Variants in PHLDB3 observed in about 807,000 individuals in gnomAD.
PHLDB3 encodes the protein pleckstrin homology like domain family B member 3.
A neutral mutation model predicts 85.7 loss-of-function variants in PHLDB3; 86 were observed. The ratio of observed to expected loss-of-function variants is 1.00; its 90% CI spans 0.84 to 1.20. PHLDB3 has a LOEUF of 1.20. PHLDB3 is among the 50% of genes most tolerant of loss of function. The pLI is 0.00. For missense variants in PHLDB3, 995 were observed against 873.0 expected (o/e 1.14, Z -1.76); for synonymous variants, 376 against 349.8 (o/e 1.07, Z -0.83).
intron 13 of PHLDB3, among the ~76,000 whole-genome samples, chr19:43,480,727 T>A (rs918123942): frequency 5.3e-5 from 8 of 152,236 alleles, no homozygotes; most frequent in Admixed American, 3.3e-4. Flanking sequence ...TAAGTACATT[T>A]ATCTCCGTTT....
At chr19:43,481,357 G>A (rs1031404117) in intron 13 of PHLDB3, among the ~76,000 whole-genome samples, 1 of 152,126 alleles carries the variant, frequency 6.6e-6, no homozygotes, top group East Asian at 1.9e-4. Flanking sequence ...GGTGGCTCAC[G>A]CCTACAATCC....
chr19:43,500,604 AAACT>A (rs1568484975), intron 4 of PHLDB3, among the ~76,000 whole-genome samples: 1 of 152,248 alleles, frequency 6.6e-6, no homozygotes, highest in East Asian at 1.9e-4. Flanking sequence ...GGAAACACAA[AAACT>A]AACCAGAAAT....
chr19:43,489,481 T>C (rs1369311132), intron 9 of PHLDB3, among the ~76,000 whole-genome samples: 1 of 151,696 alleles, frequency 6.6e-6, no homozygotes, highest in African/African-American at 2.4e-5. Flanking sequence ...AGAATATCTC[T>C]GGGGAACACA....
At chr19:43,476,073 G>A (rs1278611417) in intron 15 of PHLDB3, among the ~76,000 whole-genome samples, 1 of 152,180 alleles carries the variant, frequency 6.6e-6, no homozygotes, top group Non-Finnish European at 1.5e-5. Context: ...GGGCTTACAG[G>A]CGTGAGCCAC....
chr19:43,480,264 TAAAAAAAAAAA>T (rs57417757), intron 13 of PHLDB3, among the ~76,000 whole-genome samples: 5 of 71,608 alleles, frequency 7.0e-5, no homozygotes, highest in Non-Finnish European at 1.0e-4. Flanking sequence ...CTTCTCTATT[TAAAAAAAAAAA>T]AAAAAAAAAA....
At chr19:43,477,249 G>A (rs745340513) in intron 15 of PHLDB3, among the ~76,000 whole-genome samples, 17 of 152,094 alleles carry the variant, frequency 1.1e-4, no homozygotes, top group East Asian at 1.9e-4. Flanking sequence ...GGCCAGGTGC[G>A]GTGGCTCACG....
chr19:43,500,127 T>C (rs544128409), intron 4 of PHLDB3, among the ~76,000 whole-genome samples: 1 of 152,122 alleles, frequency 6.6e-6, no homozygotes, highest in Non-Finnish European at 1.5e-5. Context: ...TAATCCCAGC[T>C]ACTGGGGAGG....
chr19:43,500,895 G>GGCCCC (rs1971570922), intron 4 of PHLDB3, among the ~76,000 whole-genome samples: 4 of 33,568 alleles, frequency 1.2e-4, no homozygotes, highest in Admixed American at 3.3e-4. Context: ...CTCCCACTTT[G>GGCCCC]CCCCGCCCCC....
At chr19:43,486,356 C>A in intron 12 of PHLDB3, 34 bp from the exon 13 acceptor site, 1 of 1,581,216 alleles carries the variant, frequency 6.3e-7, no homozygotes, top group Middle Eastern at 1.7e-4. Context: ...CAATGAGGAT[C>A]CCAGCCCATA....
rs1193723270 is a variant in PHLDB3 at position 43,503,950 on chromosome 19, C to T, written c.169G>A (p.Glu57Lys). The change falls in exon 2 of 16, where the codon GAA becomes AAA. Residue 57 changes from glutamate (E) to lysine (K), a missense_variant. Coordinates refer to ENST00000292140, the MANE Select transcript of PHLDB3 (RefSeq NM_198850.4). ...GTGCTGCTGCCTTCTCCCACTTCTT[C>T]TTCCTCTGCCTGCTGCTCAGCTCCC... ...RGGAEQQAEE[E>K]EVGEGSSTES... is the part of the protein sequence containing the mutation. 5.0e-6 allele frequency: 8 copies of T among 1,613,954 alleles called. No individual in the cohort carries two copies. The highest frequency in any genetic ancestry group is 6.8e-6 in the Non-Finnish European group (8 of 1,179,834).
chr19:43,496,988 A>G (rs1971471989), intron 6 of PHLDB3, 130 bp downstream of exon 6: 2 of 1,244,696 alleles, frequency 1.6e-6, no homozygotes, highest in East Asian at 5.7e-5. Flanking sequence ...TTTCATTAGT[A>G]TCAGCTCTTG....
chr19:43,495,692 C>T, intron 6 of PHLDB3, 72 bp from the exon 7 acceptor site: 1 of 1,525,034 alleles, frequency 6.6e-7, no homozygotes, highest in Non-Finnish European at 8.8e-7. Context: ...CCACATCTGC[C>T]TGGAGGGCTG....
At chr19:43,479,637 A>T (rs2122465454) in intron 13 of PHLDB3, 44 bp from the exon 14 acceptor site, 1 of 1,383,566 alleles carries the variant, frequency 7.2e-7, no homozygotes, top group East Asian at 2.5e-5. Context: ...GGGGCGGGGG[A>T]TTCTACAGCC....
Position 43,479,514 on chromosome 19 carries a change from G to A in PHLDB3, c.1565C>T (p.Pro522Leu), listed in dbSNP as rs139745869. ...CACCTGCACATGTGGGCAGTTTTCC[G>A]GGTTGTGGCCCCATCCCTCCAGATG... is the stretch of plus-strand genomic sequence containing the variant. Reference protein sequence around the residue: ...RQHLEGWGHNPENCPHVQVSG... With the variant: ...RQHLEGWGHNLENCPHVQVSG... The change falls in exon 14 of 16, where the codon CCG (proline) becomes CTG (leucine). Residue 522 changes from proline to leucine, a missense_variant. Transcript: ENST00000292140. 21,660 of 1,554,582 alleles carry A rather than the reference G, an allele frequency of 0.014. 182 individuals are homozygous for A. The highest frequency in any genetic ancestry group is 0.016 in the Non-Finnish European group (18,351 of 1,148,942).
At position 43,501,765 on chromosome 19, in the gene PHLDB3, G is replaced by T. The variant is rs367700166; in HGVS notation, c.503C>A (p.Ser168Ter). 1.9e-6 allele frequency: 3 copies of T among 1,582,084 alleles called. No homozygotes were observed. The highest frequency in any genetic ancestry group is 2.6e-6 in the Non-Finnish European group (3 of 1,168,544). ...CCGCTGCTGGCGGCCGCGCTGCTCC[G>T]AGGCCGCCTGCTGCTCCAGCAGCTC... is the stretch of plus-strand genomic sequence containing the variant. ...LRELLEQQAASEQRGRQQREQ... is the reference protein window; with the variant it reads ...LRELLEQQAA The change falls in exon 4 of 16, where the codon TCG (serine) becomes TAG (stop). Residue 168 changes from serine (S) to a stop codon, truncating the protein, a stop_gained. Coordinates refer to ENST00000292140, the MANE Select transcript of PHLDB3 (RefSeq NM_198850.4). LOFTEE classifies it high-confidence loss of function.
intron 13 of PHLDB3, among the ~76,000 whole-genome samples, chr19:43,482,829 C>T (rs1384831116): frequency 6.6e-6 from 1 of 152,176 alleles, no homozygotes; most frequent in Non-Finnish European, 1.5e-5. Flanking sequence ...TGAGCCACCA[C>T]GCCTGGCCTG....
At chr19:43,492,894 A>G (rs1454713729) in intron 9 of PHLDB3, among the ~76,000 whole-genome samples, 1 of 151,846 alleles carries the variant, frequency 6.6e-6, no homozygotes, top group Non-Finnish European at 1.5e-5. Context: ...TGTTAATGTT[A>G]TTATTATTAT....
In PHLDB3 at chr19:43,500,915, C is replaced by CG. The variant is rs1328359080; in HGVS notation, c.534+818_534+819insC. ...ACTTTGCCCCGCCCCCCGTACCCCC[C>CG]CCCCACCCCGCAAGTACTGGGATTA... On this transcript the variant is annotated intron_variant, in intron 4 of 15. Transcript: ENST00000292140. Among the ~76,000 whole-genome samples, 12 of 109,458 alleles carry CG rather than the reference C, an allele frequency of 1.1e-4. 3 individuals carry two copies. The highest frequency in any genetic ancestry group is 3.6e-4 in the Admixed American group (4 of 11,122). 71.8% of individuals were successfully genotyped at this position (109,458 alleles called of 152,430 possible).
chr19:43,487,980 C>G (rs751954268), intron 9 of PHLDB3, among the ~76,000 whole-genome samples: 3 of 151,472 alleles, frequency 2.0e-5, no homozygotes, highest in Admixed American at 6.6e-5. Context: ...ATGGTGAAAC[C>G]CCGTCTCTAC....
Sources: gnomAD v4.1 joint callset for allele counts (sites outside exome capture counted in the v4.1 genomes callset) on GRCh38, gnomAD v4.1.1 for gene constraint, MANE v1.5 for transcripts, NCBI Gene and HGNC (gene_info 2026-07-23, HGNC 2026-07-21) for gene names.